The following CHN1 variants were observed in gnomAD, a reference collection of about 807,000 sequenced individuals.
CHN1 encodes chimerin 1.
A neutral mutation model predicts 59.5 loss-of-function variants in CHN1; 37 were observed. That is an observed-to-expected ratio of 0.62 (90% CI 0.48 to 0.82). The LOEUF is 0.82. Among genes scored for constraint, CHN1 ranks in the 40% least tolerant of loss-of-function variants. The probability of loss-of-function intolerance (pLI) is 0.00; values close to 1 mark genes in which losing one functional copy is unlikely to be tolerated. For synonymous variants in CHN1, 206 were observed against 200.4 expected, an observed-to-expected ratio of 1.03 and a Z score of -0.24; for missense variants, 469 against 571.0, an observed-to-expected ratio of 0.82 and a Z score of 1.82.
intron 1 of CHN1, among the ~76,000 whole-genome samples, chr2:174,956,656 A>G (rs141962995): frequency 2.6e-5 from 4 of 151,844 alleles, no homozygotes; most frequent in African/African-American, 9.7e-5. Flanking sequence ...CCTGTACCCC[A>G]GCTACTCAGG....
chr2:174,951,603 C>T lies in CHN1; in HGVS notation c.58+561G>A, dbSNP rs1384340599. 2.0e-5 allele frequency among the ~76,000 whole-genome samples: 3 copies of T among 151,980 alleles called. 1 individual carries two copies. Among genetic ancestry groups the T allele is most frequent in the African/African-American group, 7.3e-5 (3 of 41,332 alleles). ...CCTTTACTTGGTGAAATAATATTCT[C>T]TAGAAAACAAGGAAAGGAAAATAAA... On this transcript the variant is annotated intron_variant, in intron 2 of 12. Transcript: ENST00000409900.
intron 8 of CHN1, among the ~76,000 whole-genome samples, chr2:174,817,628 A>C (rs1234421063): frequency 1.4e-5 from 2 of 138,976 alleles, no homozygotes; most frequent in Non-Finnish European, 3.1e-5. Context: ...CGCCCAGCTG[A>C]TTTTTTTTTC....
chr2:174,961,764 A>G (rs1690418244), intron 1 of CHN1, among the ~76,000 whole-genome samples: 1 of 152,130 alleles, frequency 6.6e-6, no homozygotes, highest in African/African-American at 2.4e-5. Flanking sequence ...CTGGATTCTC[A>G]TATCTACATC....
At chr2:174,874,596 A>T (rs1422629358) in intron 6 of CHN1, among the ~76,000 whole-genome samples, 1 of 152,166 alleles carries the variant, frequency 6.6e-6, no homozygotes, top group Non-Finnish European at 1.5e-5. Context: ...GCTCAGATGC[A>T]CAACTTACAC....
chr2:174,959,463 G>A (rs1330050563), intron 1 of CHN1, among the ~76,000 whole-genome samples: 4 of 152,148 alleles, frequency 2.6e-5, no homozygotes, highest in Admixed American at 6.6e-5. Flanking sequence ...TTAGGAAAAA[G>A]TGCCTCAATC....
chr2:175,005,341 C>T lies in CHN1; in HGVS notation c.-429G>A, dbSNP rs1692035623. 1 of 1,158,544 alleles carries T rather than the reference C, an allele frequency of 8.6e-7. No individual in the cohort carries two copies. Among genetic ancestry groups the T allele is most frequent in the South Asian group, 1.8e-5 (1 of 55,632 alleles). The allele number at this position is 1,158,544 out of a possible 1,614,324, so 71.8% of individuals were successfully genotyped here. ...CGGCGGGGCGCGCTCACTCCGCATC[C>T]CGCGGCCTCGCAGACGCCATCTTGC... On this transcript the variant is annotated 5_prime_UTR_variant, in exon 1 of 13. Coordinates refer to ENST00000409900, the MANE Select transcript of CHN1 (RefSeq NM_001822.7).
At chr2:174,992,707 C>G (rs570504408) in intron 1 of CHN1, among the ~76,000 whole-genome samples, 12 of 152,258 alleles carry the variant, frequency 7.9e-5, no homozygotes, top group Non-Finnish European at 1.6e-4. Flanking sequence ...AGGCCTCCAC[C>G]TTGGCCCACG....
intron 7 of CHN1, among the ~76,000 whole-genome samples, chr2:174,834,497 T>G (rs1686002249): frequency 6.6e-6 from 1 of 152,188 alleles, no homozygotes; most frequent in African/African-American, 2.4e-5. Context: ...AATAAATATT[T>G]TCTCTTCATC....
At chr2:174,880,698 C>A (rs1254936001) in intron 5 of CHN1, among the ~76,000 whole-genome samples, 1 of 151,994 alleles carries the variant, frequency 6.6e-6, no homozygotes, top group East Asian at 1.9e-4. Flanking sequence ...GCTTGGTAAC[C>A]CCAGTGGTAA....
intron 8 of CHN1, among the ~76,000 whole-genome samples, chr2:174,813,578 A>G (rs2105385910): frequency 6.6e-6 from 1 of 152,364 alleles, no homozygotes; most frequent in South Asian, 2.1e-4. Context: ...GTACAAAGAA[A>G]TTTTAGATGG....
At chr2:175,003,710 G>A (rs568888352) in intron 1 of CHN1, among the ~76,000 whole-genome samples, 4 of 152,268 alleles carry the variant, frequency 2.6e-5, no homozygotes, top group Admixed American at 1.3e-4. Context: ...AGTAAGAAAT[G>A]GCACTTCTAG....
In CHN1 at chr2:174,996,675, C is replaced by T. The variant is rs563112032; in HGVS notation, c.19+8219G>A. ...TACCATCCTCCATGACATCCCATCT[C>T]ACTCAGTAAAATCTCAAGTCCTTAC... On this transcript the variant is annotated intron_variant, in intron 1 of 12. Transcript: ENST00000409900. 2.6e-5 allele frequency among the ~76,000 whole-genome samples: 4 copies of T among 152,260 alleles called. No homozygotes were observed. In the South Asian group the frequency reaches 8.3e-4, roughly 32 times the overall value.
chr2:174,931,326 G>T (rs1689342105), intron 3 of CHN1, among the ~76,000 whole-genome samples: 1 of 152,156 alleles, frequency 6.6e-6, no homozygotes, highest in South Asian at 2.1e-4. Context: ...GGAACCAAAA[G>T]TTGCACTATA....
intron 1 of CHN1, among the ~76,000 whole-genome samples, chr2:174,982,056 T>C (rs1191904081): frequency 1.3e-5 from 2 of 152,160 alleles, no homozygotes; most frequent in Non-Finnish European, 2.9e-5. Context: ...GTTTGGTTTT[T>C]TTGTCCTTGC....
Position 174,811,522 on chromosome 2 carries a change from G to C in CHN1, c.953C>G (p.Ala318Gly). 1 of 1,609,834 alleles carries C rather than the reference G, an allele frequency of 6.2e-7. No individual in the cohort carries two copies. The highest frequency in any genetic ancestry group is 8.5e-7 in the Non-Finnish European group (1 of 1,176,956). Residue 318 changes from alanine to glycine, a missense_variant, in exon 10 of 13, where the codon GCT becomes GGT. By Grantham distance (60) the Ala-to-Gly change is moderately conservative. Transcript: ENST00000409900. ...TGTGAAAAACATACCTCTGTCGAAA[G>C]CCATCTTGACATCTTCAATTAGGTC... ...FSDLIEDVKMAFDRDGEKADI... is the reference protein window; with the variant it reads ...FSDLIEDVKMGFDRDGEKADI...
chr2:174,921,076 G>A, intron 3 of CHN1: 1 of 385,892 alleles, frequency 2.6e-6, no homozygotes, highest in Non-Finnish European at 5.6e-6. Flanking sequence ...GCAATAATGT[G>A]GGCAATGGGG....
intron 5 of CHN1, among the ~76,000 whole-genome samples, chr2:174,892,543 C>T (rs1688085412): frequency 1.3e-5 from 2 of 152,162 alleles, no homozygotes; most frequent in African/African-American, 4.8e-5. Flanking sequence ...CTATATATTA[C>T]CCAGTCTGCT....
chr2:174,990,296 C>T, intron 1 of CHN1, among the ~76,000 whole-genome samples: 1 of 106,378 alleles, frequency 9.4e-6, no homozygotes, highest in South Asian at 3.3e-4. Context: ...AGCGCGAGCG[C>T]AAGAGCAAGA....
chr2:174,944,033 T>A (rs1484508994), intron 3 of CHN1, among the ~76,000 whole-genome samples: 1 of 152,224 alleles, frequency 6.6e-6, no homozygotes, highest in Non-Finnish European at 1.5e-5. Context: ...ACATTTTATA[T>A]CTGGAAATCT....
Sources: gnomAD v4.1 joint callset for allele counts (sites outside exome capture counted in the v4.1 genomes callset) on GRCh38, gnomAD v4.1.1 for gene constraint, MANE v1.5 for transcripts, NCBI Gene and HGNC (gene_info 2026-07-23, HGNC 2026-07-21) for gene names.